The following PC variants were observed in gnomAD, a reference collection of about 807,000 sequenced individuals.
The protein encoded by PC is pyruvate carboxylase, mitochondrial.
In PC, 46 loss-of-function variants were observed where a neutral mutation model predicts 107.8. That is an observed-to-expected ratio of 0.43 (90% confidence interval 0.34 to 0.55). The LOEUF (loss-of-function observed/expected upper bound fraction) is 0.55. Among genes scored for constraint, PC ranks in the 20% least tolerant of loss-of-function variants. PC has a pLI of 0.04. For synonymous variants in PC, 662 were observed against 684.7 expected (o/e 0.97, Z 0.52); for missense variants, 1,241 against 1,643.1 (o/e 0.76, Z 4.23).
At chr11:66,892,931 T>C (rs992101868) in intron 3 of PC, among the ~76,000 whole-genome samples, 7 of 149,532 alleles carry the variant, frequency 4.7e-5, no homozygotes, top group Non-Finnish European at 8.9e-5. Context: ...GCTGATGATG[T>C]GGGGGTGGGT....
rs368557087 is a variant in PC at position 66,858,786 on chromosome 11, G to T, written c.1368+4988C>A. 3 of 1,549,922 alleles carry T rather than the reference G, an allele frequency of 1.9e-6. No individual in the cohort carries two copies. Among genetic ancestry groups the T allele is most frequent in the African/African-American group, 2.7e-5 (2 of 73,148 alleles). Reference sequence around the variant, plus strand: ...GGTGACCGGCGCTGGGGACGCTGGGGGCTACACCTGCATCGCCACCAACCC... The same window carrying T: ...GGTGACCGGCGCTGGGGACGCTGGGTGCTACACCTGCATCGCCACCAACCC... On this transcript the variant is annotated intron_variant, in intron 12 of 22. Coordinates refer to ENST00000393960, the MANE Select transcript of PC (RefSeq NM_001040716.2). The surrounding 1 kb of genome is among the most constrained non-coding windows in gnomAD (Gnocchi z 5.9).
intron 3 of PC, among the ~76,000 whole-genome samples, chr11:66,900,689 T>C (rs1591254205): frequency 6.6e-6 from 1 of 152,320 alleles, no homozygotes; most frequent in East Asian, 1.9e-4. Context: ...TCAACAATGT[T>C]TCATAGTTTT....
Position 66,932,550 on chromosome 11 carries a change from A to G in PC, c.-1+19880T>C, listed in dbSNP as rs551873967. 2.6e-5 allele frequency among the ~76,000 whole-genome samples: 4 copies of G among 152,326 alleles called. No homozygotes were observed. The South Asian group carries it at 8.3e-4, about 32-fold the overall frequency. Reference sequence around the variant, plus strand: ...TGTGGGACAAAAATCTCGCAGATGCAGTGGCCGAAATGTCCTTTCGGGGCC... The same window carrying G: ...TGTGGGACAAAAATCTCGCAGATGCGGTGGCCGAAATGTCCTTTCGGGGCC... On this transcript the variant is annotated intron_variant, in intron 3 of 22. Coordinates refer to ENST00000393960, the MANE Select transcript of PC (RefSeq NM_001040716.2).
chr11:66,855,276 C>T (rs978376062), intron 12 of PC, among the ~76,000 whole-genome samples: 5 of 152,212 alleles, frequency 3.3e-5, no homozygotes, highest in African/African-American at 1.2e-4. Context: ...GCTCCCAGCA[C>T]TGGGTGGCCA....
chr11:66,856,030 C>T (rs1011354632), intron 12 of PC, among the ~76,000 whole-genome samples: 10 of 52,978 alleles, frequency 1.9e-4, no homozygotes, highest in Non-Finnish European at 3.1e-4. Context: ...TGGTGACTTC[C>T]TGTTTCCCAA....
intron 3 of PC, among the ~76,000 whole-genome samples, chr11:66,950,183 G>T (rs1035456254): frequency 6.6e-6 from 1 of 152,206 alleles, no homozygotes; most frequent in African/African-American, 2.4e-5. Context: ...GCAGCACTCA[G>T]TGACAGACAA....
chr11:66,956,063 C>T (rs1035226541), intron 1 of PC, among the ~76,000 whole-genome samples: 2 of 151,984 alleles, frequency 1.3e-5, no homozygotes, highest in Admixed American at 6.6e-5. Flanking sequence ...ATGAGCACCG[C>T]GCCCAGCCCC....
intron 3 of PC, among the ~76,000 whole-genome samples, chr11:66,909,308 C>T (rs943257846): frequency 1.3e-5 from 2 of 152,214 alleles, no homozygotes; most frequent in Non-Finnish European, 2.9e-5. Flanking sequence ...GCCTAAGCCT[C>T]ACCCAGGAGT....
chr11:66,852,934 C>T lies in PC; in HGVS notation c.1514-98G>A, dbSNP rs974394790. 3.2e-6 allele frequency: 3 copies of T among 942,764 alleles called. No homozygotes were observed. The highest frequency in any genetic ancestry group is 2.7e-5 in the Admixed American group (1 of 36,482). The allele number at this position is 942,764 out of a possible 1,614,324, so 58.4% of individuals were successfully genotyped here. On this transcript the variant is annotated intron_variant, in intron 13 of 22. Coordinates refer to ENST00000393960, the MANE Select transcript of PC (RefSeq NM_001040716.2). The surrounding 1 kb of genome is among the most constrained non-coding windows in gnomAD (Gnocchi z 4.7). ...TGGGCTCAGGGACAGGGACACATCC[C>T]TCCAGGATCCCCGGGCTTCCAGCTG... is the stretch of plus-strand genomic sequence containing the variant.
At chr11:66,855,422 C>G (rs906523360) in intron 12 of PC, among the ~76,000 whole-genome samples, 1 of 152,182 alleles carries the variant, frequency 6.6e-6, no homozygotes, top group Non-Finnish European at 1.5e-5. Context: ...TAATGCGATT[C>G]TCGTGCCTCA....
At position 66,871,270 on chromosome 11, in the gene PC, C is replaced by T. The variant is rs1946719805; in HGVS notation, c.487+45G>A. 1 of 1,614,106 alleles carries T rather than the reference C, an allele frequency of 6.2e-7. No individual in the cohort carries two copies. Among genetic ancestry groups the T allele is most frequent in the Non-Finnish European group, 8.5e-7 (1 of 1,180,028 alleles). On this transcript the variant is annotated intron_variant, in intron 6 of 22. Transcript: ENST00000393960. This position sits in a 1 kb window ranked among gnomAD's most constrained non-coding sequence, Gnocchi z 7.4. ...CTGCCACCCCTCCCTGCTGGACCCTCTCCAGGAGCTGCGGGGCCACCCCTT... is the reference window on the plus strand; with the variant it reads ...CTGCCACCCCTCCCTGCTGGACCCTTTCCAGGAGCTGCGGGGCCACCCCTT...
chr11:66,947,858 G>A (rs1262344760), intron 3 of PC, among the ~76,000 whole-genome samples: 1 of 151,222 alleles, frequency 6.6e-6, no homozygotes, highest in African/African-American at 2.4e-5. Context: ...AGCTACTTGG[G>A]AGGCTAAGGC....
Position 66,858,133 on chromosome 11 carries a change from A to G in PC, c.1369-4750T>C. ...CTGCAGCACCTCATCCTCAGCGGCA[A>G]CCAGCTGGGCCGCATCGCGCCGGGA... is the stretch of plus-strand genomic sequence containing the variant. On this transcript the variant is annotated intron_variant, in intron 12 of 22. Coordinates refer to ENST00000393960, the MANE Select transcript of PC (RefSeq NM_001040716.2). This position sits in a 1 kb window ranked among gnomAD's most constrained non-coding sequence, Gnocchi z 5.9. The G allele has an allele frequency of 6.2e-7, 1 of 1,610,626 alleles. No individual in the cohort carries two copies. The highest frequency in any genetic ancestry group is 8.5e-7 in the Non-Finnish European group (1 of 1,178,806).
At chr11:66,927,921 C>T (rs1348965827) in intron 3 of PC, among the ~76,000 whole-genome samples, 1 of 152,060 alleles carries the variant, frequency 6.6e-6, no homozygotes, top group African/African-American at 2.4e-5. Flanking sequence ...GAGAAATTTA[C>T]ATGAAGAGAC....
At chr11:66,903,092 G>T (rs940365239) in intron 3 of PC, among the ~76,000 whole-genome samples, 1 of 152,210 alleles carries the variant, frequency 6.6e-6, no homozygotes, top group Non-Finnish European at 1.5e-5. Flanking sequence ...TCAGGGGTGA[G>T]AAATTAGCTT....
intron 12 of PC, chr11:66,859,937 C>G: frequency 6.3e-7 from 1 of 1,593,698 alleles, no homozygotes. Context: ...GCCGCCTCCC[C>G]CTCAAGCTCA....
At chr11:66,913,515 T>A (rs1346187742) in intron 3 of PC, among the ~76,000 whole-genome samples, 2 of 151,022 alleles carry the variant, frequency 1.3e-5, no homozygotes, top group African/African-American at 4.9e-5. Context: ...ACTAAAAAAA[T>A]ACAAAAATTA....
At chr11:66,937,319 T>C (rs986944983) in intron 3 of PC, among the ~76,000 whole-genome samples, 2 of 152,252 alleles carry the variant, frequency 1.3e-5, no homozygotes, top group Admixed American at 1.3e-4. Context: ...CTGGCTCCCA[T>C]GATTTCTGAG....
intron 12 of PC, among the ~76,000 whole-genome samples, chr11:66,859,374 G>A (rs752236043): frequency 2.0e-5 from 3 of 152,288 alleles, no homozygotes; most frequent in African/African-American, 4.8e-5. Flanking sequence ...TCTGTCTGAA[G>A]CACATGGCCC....
Sources: gnomAD v4.1 joint callset for allele counts (sites outside exome capture counted in the v4.1 genomes callset) on GRCh38, gnomAD v4.1.1 for gene constraint, Gnocchi (gnomAD v3.1) non-coding constraint, MANE v1.5 for transcripts, NCBI Gene and HGNC (gene_info 2026-07-23, HGNC 2026-07-21) for gene names.